The following PSMB2 variants were observed in gnomAD, a reference collection of about 807,000 sequenced individuals.
PSMB2 encodes proteasome subunit beta type-2.
A neutral mutation model predicts 25.7 loss-of-function variants in PSMB2; 13 were observed. That is an observed-to-expected ratio of 0.51 (90% CI 0.33 to 0.80). PSMB2 has a LOEUF of 0.80. Ranked by LOEUF, PSMB2 falls within the 30% of genes least tolerant of loss-of-function variation. PSMB2 has a pLI of 0.02. For synonymous variants in PSMB2, 87 were observed against 96.2 expected (o/e 0.90, Z 0.56); for missense variants, 202 against 259.0 (o/e 0.78, Z 1.51).
rs1650129922 is a variant in PSMB2, at chr1:35,605,256, G to GT, written c.474dup (p.Leu159ThrfsTer3). 1 of 1,613,120 alleles carries GT rather than the reference G, an allele frequency of 6.2e-7. No individual in the cohort carries two copies. The highest frequency in any genetic ancestry group is 8.5e-7 in the Non-Finnish European group (1 of 1,179,644). The stretch of plus-strand genomic sequence containing the variant: ...ACCTCCTCCAGACATTTCCTAAGGA[G>GT]TTCCACTGCCCTCTCACGTGAGATA... On this transcript the variant is annotated frameshift_variant, in exon 5 of 6. Coordinates refer to ENST00000373237, the MANE Select transcript of PSMB2 (RefSeq NM_002794.5). LOFTEE classifies it high-confidence loss of function.
chr1:35,623,663 C>G (rs573220262), intron 3 of PSMB2, among the ~76,000 whole-genome samples: 9 of 152,282 alleles, frequency 5.9e-5, no homozygotes, highest in African/African-American at 2.2e-4. Flanking sequence ...CCATCTGGAG[C>G]AGGTGAGCTG....
At chr1:35,636,197 A>C (rs1651241257) in intron 2 of PSMB2, 113 bp downstream of exon 2, 2 of 1,374,828 alleles carry the variant, frequency 1.5e-6, no homozygotes, top group East Asian at 4.7e-5. Context: ...GACTTCTAAC[A>C]TCTAGAACTG....
At chr1:35,617,798 T>C (rs1170275025) in intron 3 of PSMB2, among the ~76,000 whole-genome samples, 1 of 152,180 alleles carries the variant, frequency 6.6e-6, no homozygotes, top group Non-Finnish European at 1.5e-5. Context: ...GGAGAGAAAC[T>C]GGGATGACAC....
intron 2 of PSMB2, chr1:35,631,552 G>A: frequency 7.5e-7 from 1 of 1,336,722 alleles, no homozygotes; most frequent in Non-Finnish European, 9.7e-7. Flanking sequence ...GCAATTCTTG[G>A]CCACAAACAG....
intron 3 of PSMB2, among the ~76,000 whole-genome samples, chr1:35,611,373 T>C (rs1650329605): frequency 6.6e-6 from 1 of 152,090 alleles, no homozygotes; most frequent in South Asian, 2.1e-4. Context: ...AACAGGCTTT[T>C]GTTCTGTCGC....
chr1:35,639,243 G>C (rs2148580216), intron 1 of PSMB2, among the ~76,000 whole-genome samples: 1 of 152,160 alleles, frequency 6.6e-6, no homozygotes, highest in South Asian at 2.1e-4. Flanking sequence ...GACAGAGCGA[G>C]ACTCTGTCTC....
intron 2 of PSMB2, among the ~76,000 whole-genome samples, chr1:35,632,142 G>A (rs749596274): frequency 3.3e-5 from 5 of 152,200 alleles, no homozygotes; most frequent in Non-Finnish European, 1.5e-5. Context: ...AGTATAATAT[G>A]ACTTTCAAAA....
chr1:35,623,594 C>A (rs1650759754), intron 3 of PSMB2, among the ~76,000 whole-genome samples: 1 of 152,350 alleles, frequency 6.6e-6, no homozygotes, highest in East Asian at 1.9e-4. Context: ...AGCAGCACAA[C>A]ATTTTGTCTC....
At chr1:35,624,626 G>A (rs1392771864) in intron 3 of PSMB2, among the ~76,000 whole-genome samples, 1 of 151,928 alleles carries the variant, frequency 6.6e-6, no homozygotes, top group African/African-American at 2.4e-5. Flanking sequence ...GGTGATGCAT[G>A]CCTGTAATCC....
At chr1:35,629,277 GT>G (rs1210509847) in intron 3 of PSMB2, among the ~76,000 whole-genome samples, 1 of 152,188 alleles carries the variant, frequency 6.6e-6, no homozygotes, top group African/African-American at 2.4e-5. Context: ...GTGAGATCAC[GT>G]GGTAAGGCTC....
At chr1:35,616,009 T>C (rs1650481922) in intron 3 of PSMB2, among the ~76,000 whole-genome samples, 1 of 152,208 alleles carries the variant, frequency 6.6e-6, no homozygotes, top group Non-Finnish European at 1.5e-5. Context: ...TGCCTAAAAT[T>C]CCATCTTTAG....
At chr1:35,623,413 C>T (rs1414523401) in intron 3 of PSMB2, among the ~76,000 whole-genome samples, 1 of 152,214 alleles carries the variant, frequency 6.6e-6, no homozygotes, top group African/African-American at 2.4e-5. Context: ...TCTAAAAGGG[C>T]TGCTGCTTGC....
chr1:35,626,803 ACTT>A (rs1355892110), intron 3 of PSMB2, among the ~76,000 whole-genome samples: 3 of 152,194 alleles, frequency 2.0e-5, no homozygotes, highest in African/African-American at 4.8e-5. Flanking sequence ...GTCCAAGAGA[ACTT>A]CTATGATGAT....
At chr1:35,604,027 T>TAA (rs113950978) in intron 5 of PSMB2, among the ~76,000 whole-genome samples, 97 of 80,568 alleles carry the variant, frequency 1.2e-3, no homozygotes, top group South Asian at 4.0e-3. Flanking sequence ...ATCCATCTCT[T>TAA]AAAAAAAAAA....
chr1:35,630,408 T>A (rs576582367), intron 3 of PSMB2, among the ~76,000 whole-genome samples: 96 of 152,344 alleles, frequency 6.3e-4, no homozygotes, highest in Non-Finnish European at 1.0e-3. Flanking sequence ...ATTAGCTTTA[T>A]TCATATTGCC....
chr1:35,625,588 C>T (rs1650831140), intron 3 of PSMB2, among the ~76,000 whole-genome samples: 1 of 151,850 alleles, frequency 6.6e-6, no homozygotes, highest in South Asian at 2.1e-4. Context: ...TGGTGAAACC[C>T]CGTCTCTACT....
chr1:35,619,230 T>C (rs567266775), intron 3 of PSMB2, among the ~76,000 whole-genome samples: 3 of 152,352 alleles, frequency 2.0e-5, no homozygotes, highest in East Asian at 1.9e-4. Context: ...AAAACTCATA[T>C]AACGGTTGAG....
intron 3 of PSMB2, among the ~76,000 whole-genome samples, chr1:35,611,473 G>A (rs966514924): frequency 6.6e-6 from 1 of 152,048 alleles, no homozygotes; most frequent in African/African-American, 2.4e-5. Flanking sequence ...CTCCTGAGCA[G>A]CTACGACTAT....
intron 4 of PSMB2, among the ~76,000 whole-genome samples, chr1:35,607,484 A>T (rs1396645905): frequency 6.6e-6 from 1 of 152,254 alleles, no homozygotes. Context: ...GTAACACCTC[A>T]TCCCAGTTAG....
Sources: allele counts gnomAD v4.1 joint callset (sites outside exome capture counted in the v4.1 genomes callset), GRCh38; gene constraint gnomAD v4.1.1; transcripts MANE v1.5; gene names NCBI Gene and HGNC (gene_info 2026-07-23, HGNC 2026-07-21).